FSTL4: variants seen among roughly 807,000 people sequenced by gnomAD.
The protein encoded by FSTL4 is follistatin like 4.
In FSTL4, 28 loss-of-function variants were observed where a neutral mutation model predicts 78.2. That is an observed-to-expected ratio of 0.36 (90% confidence interval 0.27 to 0.49). The LOEUF (loss-of-function observed/expected upper bound fraction) is 0.49. Ranked by LOEUF, FSTL4 falls within the 20% of genes least tolerant of loss-of-function variation. The probability of loss-of-function intolerance (pLI) is 0.98; values close to 1 mark genes in which losing one functional copy is unlikely to be tolerated. For synonymous variants in FSTL4, 422 were observed against 440.5 expected (o/e 0.96, Z 0.53); for missense variants, 922 against 1,084.9 (o/e 0.85, Z 2.11).
chr5:133,838,970 C>T, the FSTL4 span, among the ~76,000 whole-genome samples: 1 of 152,184 alleles, frequency 6.6e-6, no homozygotes, highest in Non-Finnish European at 1.5e-5. Flanking sequence ...CACAATGGCT[C>T]CAGTTGTCCT....
chr5:133,770,149 A>C, the FSTL4 span, among the ~76,000 whole-genome samples: 1 of 152,020 alleles, frequency 6.6e-6, no homozygotes, highest in African/African-American at 2.4e-5. Context: ...TGGACACTTA[A>C]GTTGATTCCA....
the FSTL4 span, among the ~76,000 whole-genome samples, chr5:133,642,867 A>T: frequency 6.6e-6 from 1 of 152,232 alleles, no homozygotes; most frequent in Non-Finnish European, 1.5e-5. Context: ...TATTACAAGG[A>T]GGAAGTCTTT....
chr5:133,571,212 G>T (rs533309429), intron 2 of FSTL4, among the ~76,000 whole-genome samples: 2 of 152,208 alleles, frequency 1.3e-5, no homozygotes, highest in East Asian at 3.9e-4. Context: ...GACAAATGCA[G>T]CAGACTTACT....
intron 4 of FSTL4, among the ~76,000 whole-genome samples, chr5:133,336,123 C>T (rs181388124): frequency 1.6e-4 from 25 of 152,348 alleles, no homozygotes; most frequent in African/African-American, 5.8e-4. Flanking sequence ...GTGAAGAGCT[C>T]CAAACCATAA....
chr5:133,218,782 CCTTA>C (rs2126784155), intron 12 of FSTL4, among the ~76,000 whole-genome samples: 1 of 152,246 alleles, frequency 6.6e-6, no homozygotes. Context: ...CTCCTTGTAC[CCTTA>C]CTCTCTTACC....
the FSTL4 span, among the ~76,000 whole-genome samples, chr5:133,713,932 G>C: frequency 6.6e-6 from 1 of 152,122 alleles, no homozygotes; most frequent in South Asian, 2.1e-4. Context: ...AAGGGAGCCC[G>C]GACGCTGAAC....
intron 6 of FSTL4, among the ~76,000 whole-genome samples, chr5:133,282,241 C>T (rs996030542): frequency 1.3e-5 from 2 of 152,112 alleles, no homozygotes; most frequent in African/African-American, 2.4e-5. Flanking sequence ...GCAGAGGAAA[C>T]AGTATGTGCC....
rs1166572098 is a variant in FSTL4, at chr5:133,557,198, G to A, written c.160+9988C>T. Reference sequence around the variant, plus strand: ...TTGAGTTCAAACTCACACTCTGTTAGAAGCTTCTGTGACCTTGGGTCAACT... The same window carrying A: ...TTGAGTTCAAACTCACACTCTGTTAAAAGCTTCTGTGACCTTGGGTCAACT... On this transcript the variant is annotated intron_variant, in intron 3 of 15. Coordinates refer to ENST00000265342, the MANE Select transcript of FSTL4 (RefSeq NM_015082.2). 2.0e-5 allele frequency among the ~76,000 whole-genome samples: 3 copies of A among 152,192 alleles called. No homozygotes were observed. The South Asian group carries it at 6.2e-4, about 32-fold the overall frequency.
chr5:133,445,323 G>A (rs777386098), intron 3 of FSTL4, among the ~76,000 whole-genome samples: 1 of 152,086 alleles, frequency 6.6e-6, no homozygotes, highest in African/African-American at 2.4e-5. Context: ...TCACTGCTGC[G>A]GGGCAGCACA....
chr5:133,491,739 A>G (rs1243586176), intron 3 of FSTL4, among the ~76,000 whole-genome samples: 1 of 152,084 alleles, frequency 6.6e-6, no homozygotes, highest in African/African-American at 2.4e-5. Flanking sequence ...ATATATTTTC[A>G]ATTAATTTCA....
At chr5:133,522,835 G>A (rs1759007149) in intron 3 of FSTL4, among the ~76,000 whole-genome samples, 2 of 152,172 alleles carry the variant, frequency 1.3e-5, no homozygotes, top group South Asian at 4.1e-4. Flanking sequence ...CTCGGGGGCA[G>A]GGATCACATA....
chr5:133,345,814 T>C (rs902304361), intron 4 of FSTL4, among the ~76,000 whole-genome samples: 6 of 152,184 alleles, frequency 3.9e-5, no homozygotes, highest in African/African-American at 1.2e-4. Flanking sequence ...AGTTCAGCCA[T>C]TGTGAAAGAC....
the FSTL4 span, among the ~76,000 whole-genome samples, chr5:133,740,177 C>T: frequency 6.6e-6 from 1 of 152,176 alleles, no homozygotes; most frequent in Non-Finnish European, 1.5e-5. Flanking sequence ...CACCACCACA[C>T]CCAGTCCGAA....
the FSTL4 span, among the ~76,000 whole-genome samples, chr5:133,706,508 G>T: frequency 2.6e-5 from 4 of 152,292 alleles, no homozygotes; most frequent in East Asian, 7.7e-4. Flanking sequence ...TAACTGATGA[G>T]ACTGAAGGCA....
At chr5:133,650,463 C>T in the FSTL4 span, among the ~76,000 whole-genome samples, 1 of 152,078 alleles carries the variant, frequency 6.6e-6, no homozygotes, top group African/African-American at 2.4e-5. Flanking sequence ...GACACATTTT[C>T]AGTTAATTTT....
At chr5:133,451,655 T>C (rs1239477031) in intron 3 of FSTL4, among the ~76,000 whole-genome samples, 2 of 152,214 alleles carry the variant, frequency 1.3e-5, no homozygotes, top group African/African-American at 4.8e-5. Context: ...CCACCACCTC[T>C]GTCTGTACTT....
chr5:133,838,609 T>C, the FSTL4 span, among the ~76,000 whole-genome samples: 1 of 152,018 alleles, frequency 6.6e-6, no homozygotes. Context: ...TCCTCCAGTG[T>C]CTCTAACTAT....
rs370589149 is a variant in FSTL4, at chr5:133,224,226, C to A, written c.1313-10G>T. 3.1e-6 allele frequency: 5 copies of A among 1,611,062 alleles called. No homozygotes were observed. Among genetic ancestry groups the A allele is most frequent in the Non-Finnish European group, 4.2e-6 (5 of 1,177,410 alleles). On this transcript the variant is annotated splice_polypyrimidine_tract_variant and intron_variant, in intron 10 of 15. Transcript: ENST00000265342. The stretch of plus-strand genomic sequence containing the variant: ...CACAGGATGTTTGCAACTGCAGCAG[C>A]AGAGAATGAGGAAAGCAGGAGTGTG...
Position 133,198,438 on chromosome 5 carries a change from C to T in FSTL4, c.*657G>A, listed in dbSNP as rs535271758. ...GGCAGGGAAGGATATAGTTGGACCT[C>T]GGAGAGCATCTTTCTGCTTACTAGC... On this transcript the variant is annotated 3_prime_UTR_variant, in exon 16 of 16. Transcript: ENST00000265342. 2.0e-5 allele frequency: 3 copies of T among 152,312 alleles called. No homozygotes were observed. Among genetic ancestry groups the T allele is most frequent in the Admixed American group, 6.5e-5 (1 of 15,294 alleles). 9.4% of individuals were successfully genotyped at this position (152,312 alleles called of 1,614,324 possible). A position where few individuals can be genotyped will look rare whatever the true frequency, so the allele number is the denominator to read the frequency against.
Sources: allele counts gnomAD v4.1 joint callset (sites outside exome capture counted in the v4.1 genomes callset), GRCh38; gene constraint gnomAD v4.1.1; transcripts MANE v1.5; gene names NCBI Gene and HGNC (gene_info 2026-07-23, HGNC 2026-07-21).